The following RBFOX1 variants were observed in gnomAD, a reference collection of about 807,000 sequenced individuals.
RBFOX1 encodes RNA binding fox-1 homolog 1.
RBFOX1 carries 8 observed loss-of-function variants against 57.7 expected under a neutral mutation model. The ratio of observed to expected loss-of-function variants is 0.14; its 90% confidence interval spans 0.08 to 0.25. The LOEUF is 0.25. Among genes scored for constraint, RBFOX1 ranks in the 10% least tolerant of loss-of-function variants. The pLI, the probability that RBFOX1 is intolerant of heterozygous loss-of-function variation, is 1.00. For synonymous variants in RBFOX1, 326 were observed against 222.4 expected (o/e 1.47, Z -4.15); for missense variants, 611 against 548.5 (o/e 1.11, Z -1.14).
intron 5 of RBFOX1, among the ~76,000 whole-genome samples, chr16:7,546,845 A>T (rs2084686419): frequency 6.6e-6 from 1 of 152,178 alleles, no homozygotes; most frequent in Admixed American, 6.5e-5. Context: ...TATCACCTTG[A>T]TGAATTTCTT....
chr16:7,192,328 C>A (rs11646825), intron 4 of RBFOX1, among the ~76,000 whole-genome samples: 8 of 152,064 alleles, frequency 5.3e-5, no homozygotes, highest in African/African-American at 1.9e-4. Context: ...TGGAGAGGTT[C>A]CATCTAAGAG....
At chr16:6,249,707 T>C (rs567033693) in intron 1 of RBFOX1, among the ~76,000 whole-genome samples, 1 of 151,740 alleles carries the variant, frequency 6.6e-6, no homozygotes, top group South Asian at 2.1e-4. Context: ...ATGATTTTAA[T>C]CTTAGAATGA....
At chr16:7,605,050 G>T (rs2095230215) in intron 9 of RBFOX1, among the ~76,000 whole-genome samples, 1 of 152,122 alleles carries the variant, frequency 6.6e-6, no homozygotes, top group African/African-American at 2.4e-5. Context: ...AAACTAGAAA[G>T]AAAGAACATT....
chr16:6,451,039 C>G (rs1372994219), intron 2 of RBFOX1, among the ~76,000 whole-genome samples: 3 of 150,106 alleles, frequency 2.0e-5, no homozygotes, highest in Non-Finnish European at 4.4e-5. Flanking sequence ...TTTCCATTCT[C>G]CAACCACACC....
chr16:7,135,568 G>C (rs1206779991), intron 4 of RBFOX1, among the ~76,000 whole-genome samples: 2 of 152,232 alleles, frequency 1.3e-5, no homozygotes, highest in African/African-American at 2.4e-5. Flanking sequence ...AAAAATTAAA[G>C]TGTTTCCATC....
At chr16:7,421,675 C>T (rs1458555158) in intron 4 of RBFOX1, among the ~76,000 whole-genome samples, 1 of 152,246 alleles carries the variant, frequency 6.6e-6, no homozygotes, top group African/African-American at 2.4e-5. Flanking sequence ...TGTCCCATTT[C>T]CACTGGCCTG....
chr16:5,314,542 C>T (rs1419880045), intron 1 of RBFOX1, among the ~76,000 whole-genome samples: 2 of 152,076 alleles, frequency 1.3e-5, no homozygotes, highest in Non-Finnish European at 2.9e-5. Flanking sequence ...ACTCTGTTGC[C>T]CAGGCTGGCG....
chr16:7,405,484 C>G (rs2098325402), intron 4 of RBFOX1, among the ~76,000 whole-genome samples: 2 of 152,204 alleles, frequency 1.3e-5, no homozygotes, highest in African/African-American at 2.4e-5. Context: ...TCGGGCTGTT[C>G]TGAAGGCAGC....
chr16:7,328,179 G>A (rs568683540), intron 4 of RBFOX1, among the ~76,000 whole-genome samples: 1 of 152,062 alleles, frequency 6.6e-6, no homozygotes, highest in African/African-American at 2.4e-5. Flanking sequence ...TATGTTAGCT[G>A]TTAAGATCTG....
chr16:7,642,666 A>G (rs1432778103), intron 11 of RBFOX1, among the ~76,000 whole-genome samples: 1 of 152,238 alleles, frequency 6.6e-6, no homozygotes, highest in Non-Finnish European at 1.5e-5. Flanking sequence ...CACTGGATAA[A>G]GTAATTATAT....
intron 1 of RBFOX1, among the ~76,000 whole-genome samples, chr16:6,305,222 C>T (rs889308875): frequency 2.0e-5 from 3 of 152,190 alleles, no homozygotes; most frequent in Admixed American, 2.0e-4. Context: ...GCACAACTGC[C>T]ATTCAGACCA....
intron 3 of RBFOX1, among the ~76,000 whole-genome samples, chr16:5,744,405 A>T (rs554063668): frequency 1.5e-4 from 23 of 152,260 alleles, no homozygotes; most frequent in African/African-American, 5.1e-4. Flanking sequence ...GTAACTTTAG[A>T]TTCTTCTTAG....
chr16:6,344,338 A>C (rs1170240943), intron 2 of RBFOX1, among the ~76,000 whole-genome samples: 2 of 150,272 alleles, frequency 1.3e-5, no homozygotes. Flanking sequence ...AGCATGAGCC[A>C]CCATGCCCGG....
At chr16:7,217,158 G>T (rs2092241097) in intron 4 of RBFOX1, among the ~76,000 whole-genome samples, 1 of 150,698 alleles carries the variant, frequency 6.6e-6, no homozygotes, top group African/African-American at 2.4e-5. Context: ...AGGGTGGAGT[G>T]CAGTGGCACA....
intron 3 of RBFOX1, among the ~76,000 whole-genome samples, chr16:6,680,825 AG>A (rs1484182244): frequency 3.9e-5 from 6 of 152,260 alleles, no homozygotes; most frequent in Non-Finnish European, 7.3e-5. Context: ...CAATATTAAA[AG>A]CTTCTTGGTT....
intron 1 of RBFOX1, among the ~76,000 whole-genome samples, chr16:6,029,800 A>G (rs923860804): frequency 3.3e-5 from 5 of 151,852 alleles, no homozygotes; most frequent in Non-Finnish European, 5.9e-5. Context: ...AAGGGGAAAG[A>G]AAAACATGTT....
intron 1 of RBFOX1, among the ~76,000 whole-genome samples, chr16:5,255,855 G>A (rs1337498730): frequency 1.3e-5 from 2 of 152,038 alleles, no homozygotes; most frequent in African/African-American, 2.4e-5. Flanking sequence ...GGCTCAAACT[G>A]AGCTGCCTCC....
At chr16:7,077,760 T>A (rs183023851) in intron 4 of RBFOX1, among the ~76,000 whole-genome samples, 1 of 152,220 alleles carries the variant, frequency 6.6e-6, no homozygotes, top group Non-Finnish European at 1.5e-5. Flanking sequence ...ACTTGTCCTG[T>A]TAGCAGCTTT....
At chr16:7,078,286 A>T (rs1283762851) in intron 4 of RBFOX1, among the ~76,000 whole-genome samples, 3 of 152,162 alleles carry the variant, frequency 2.0e-5, no homozygotes, top group African/African-American at 7.2e-5. Context: ...TTAGGAAGTG[A>T]CCTAACCCAG....
Sources: allele counts gnomAD v4.1 joint callset (sites outside exome capture counted in the v4.1 genomes callset), GRCh38; gene constraint gnomAD v4.1.1; transcripts MANE v1.5; gene names NCBI Gene and HGNC (gene_info 2026-07-23, HGNC 2026-07-21).